Variants in NFKBIB observed in about 807,000 individuals in gnomAD.
NFKBIB encodes the protein NF-kappa-B inhibitor beta.
In NFKBIB, 16 loss-of-function variants were observed where a neutral mutation model predicts 32.1. The observed-to-expected ratio is 0.50, with a 90% CI of 0.34 to 0.76. The LOEUF (loss-of-function observed/expected upper bound fraction) is 0.76. Among genes scored for constraint, NFKBIB ranks in the 30% least tolerant of loss-of-function variants. NFKBIB has a pLI of 0.01. For synonymous variants in NFKBIB, 222 were observed against 219.5 expected, an observed-to-expected ratio of 1.01 and a Z score of -0.10; for missense variants, 437 against 514.9, an observed-to-expected ratio of 0.85 and a Z score of 1.46.
Position 38,905,216 on chromosome 19 carries a change from G to A in NFKBIB, c.300G>A (p.Leu100=). ...QNDLGQTALH[L]AAILGETSTV... Reference sequence around the variant, plus strand: ...TGCTTCTGCAGACAGCCCTGCACCTGGCAGCCATCCTGGGGGAGACATCCA... The same window carrying A: ...TGCTTCTGCAGACAGCCCTGCACCTAGCAGCCATCCTGGGGGAGACATCCA... The change falls in exon 3 of 6, where the codon CTG becomes CTA. Residue 100 remains leucine, a synonymous_variant. Transcript: ENST00000313582. This position sits in a 1 kb window ranked among gnomAD's most constrained non-coding sequence, Gnocchi z 5.5. The A allele has an allele frequency of 6.3e-7, 1 of 1,592,604 alleles. No homozygotes were observed. Among genetic ancestry groups the A allele is most frequent in the South Asian group, 1.1e-5 (1 of 87,808 alleles).
chr19:38,908,619 G>T, intron 5 of NFKBIB, 112 bp from the exon 6 acceptor site: 1 of 1,422,884 alleles, frequency 7.0e-7, no homozygotes, highest in Non-Finnish European at 9.2e-7. Flanking sequence ...CAGGAGCAGG[G>T]GAACTTGGGC....
At position 38,907,627 on chromosome 19, in the gene NFKBIB, A is replaced by C; in HGVS notation, c.937A>C (p.Ser313Arg). Reference protein sequence around the residue: ...GEDEKSGPCSSSSDSDSGDEG... With the variant: ...GEDEKSGPCSRSSDSDSGDEG... The stretch of plus-strand genomic sequence containing the variant: ...GGACGAGAAATCCGGCCCCTGCAGC[A>C]GCAGTAGCGACAGCGACAGCGGAGA... Residue 313 changes from serine to arginine, a missense_variant, in exon 5 of 6, where the codon AGC (serine) becomes CGC (arginine). Transcript: ENST00000313582. The C allele has an allele frequency of 6.2e-7, 1 of 1,610,314 alleles. No individual in the cohort carries two copies. The highest frequency in any genetic ancestry group is 8.5e-7 in the Non-Finnish European group (1 of 1,178,802).
intron 1 of NFKBIB, among the ~76,000 whole-genome samples, chr19:38,900,428 A>G (rs991101772): frequency 1.3e-5 from 2 of 152,142 alleles, no homozygotes; most frequent in Non-Finnish European, 2.9e-5. Context: ...CTTTTCTTGA[A>G]CTATGATTCT....
chr19:38,906,635 A>G (rs1466160301), intron 3 of NFKBIB, among the ~76,000 whole-genome samples: 1 of 150,002 alleles, frequency 6.7e-6, no homozygotes, highest in Non-Finnish European at 1.5e-5. Flanking sequence ...ATGCCCAGCT[A>G]ATTTTTTGTA....
chr19:38,902,947 C>T (rs984321870), intron 1 of NFKBIB, among the ~76,000 whole-genome samples: 3 of 152,030 alleles, frequency 2.0e-5, no homozygotes, highest in Admixed American at 6.6e-5. Context: ...TGGTGGCGAG[C>T]GCCTGTAATC....
intron 1 of NFKBIB, among the ~76,000 whole-genome samples, chr19:38,901,483 CT>C (rs972715030): frequency 8.6e-5 from 13 of 150,606 alleles, no homozygotes; most frequent in Non-Finnish European, 1.6e-4. Flanking sequence ...TTTTGTCCCC[CT>C]ATGTTCTCAA....
chr19:38,905,568 C>T lies in NFKBIB; in HGVS notation c.619+33C>T. Reference sequence around the variant, plus strand: ...TCGTCACCAGGGAAGGACTCAGCTCCTGGGCTAGGCGAGAGCACCTGGCCC... The same window carrying T: ...TCGTCACCAGGGAAGGACTCAGCTCTTGGGCTAGGCGAGAGCACCTGGCCC... On this transcript the variant is annotated intron_variant, in intron 3 of 5. Transcript: ENST00000313582. The surrounding 1 kb of genome is among the most constrained non-coding windows in gnomAD (Gnocchi z 5.5). 6.5e-7 allele frequency: 1 copy of T among 1,543,150 alleles called. No homozygotes were observed. The highest frequency in any genetic ancestry group is 8.8e-7 in the Non-Finnish European group (1 of 1,138,378).
At chr19:38,900,269 T>C (rs1195726892) in intron 1 of NFKBIB, 58 bp downstream of exon 1, 38 of 1,493,074 alleles carry the variant, frequency 2.5e-5, no homozygotes, top group Non-Finnish European at 3.2e-5. Flanking sequence ...CATTCCTCAT[T>C]AATCTCTGAT....
rs73539687 is a variant in NFKBIB at position 38,901,467 on chromosome 19, A to C, written c.179+1256A>C. 3.4e-3 allele frequency among the ~76,000 whole-genome samples: 510 copies of C among 148,824 alleles called. 5 individuals are homozygous for C. The highest frequency in any genetic ancestry group is 0.012 in the African/African-American group (488 of 40,240). ...ATGCCACCATGCCTGGCAAATTTTT[A>C]AATTTTTTTGTCCCCCTATGTTCTC... On this transcript the variant is annotated intron_variant, in intron 1 of 5. Transcript: ENST00000313582.
intron 3 of NFKBIB, among the ~76,000 whole-genome samples, chr19:38,906,720 C>G (rs1468873694): frequency 6.7e-6 from 1 of 149,372 alleles, no homozygotes; most frequent in Non-Finnish European, 1.5e-5. Context: ...CCACCCGCCT[C>G]AGCCTCCCAA....
intron 4 of NFKBIB, 31 bp downstream of exon 4, chr19:38,907,340 G>T (rs377604569): frequency 1.9e-6 from 3 of 1,605,282 alleles, no homozygotes; most frequent in African/African-American, 2.7e-5. Context: ...AGATGCCGTC[G>T]GCGGGAGGGG....
At chr19:38,907,949 G>T in intron 5 of NFKBIB, 1 of 1,250,678 alleles carries the variant, frequency 8.0e-7, no homozygotes, top group Non-Finnish European at 1.0e-6. Context: ...GTGGGTGGTA[G>T]CGCTGGGGGT....
At chr19:38,904,816 A>C (rs1974065082) in intron 1 of NFKBIB, among the ~76,000 whole-genome samples, 199 bp from the exon 2 acceptor site, 1 of 152,134 alleles carries the variant, frequency 6.6e-6, no homozygotes, top group Non-Finnish European at 1.5e-5. Flanking sequence ...TTTTGGGCAG[A>C]AGTGGAAATC....
At chr19:38,906,981 G>T (rs1013404602) in intron 3 of NFKBIB, among the ~76,000 whole-genome samples, 1 of 152,170 alleles carries the variant, frequency 6.6e-6, no homozygotes, top group African/African-American at 2.4e-5. Flanking sequence ...ACAGACCCCA[G>T]GCTGTTTACC....
At position 38,907,307 on chromosome 19, in the gene NFKBIB, C is replaced by G. The variant is rs759403398; in HGVS notation, c.706C>G (p.Pro236Ala). Residue 236 changes from proline to alanine, a missense_variant and splice_region_variant, in exon 4 of 6, where the codon CCG becomes GCG. Pro to Ala is a conservative substitution (Grantham distance 27). Coordinates refer to ENST00000313582, the MANE Select transcript of NFKBIB (RefSeq NM_002503.5). Reference sequence around the variant, plus strand: ...AGATGCTGGAGCTGACCTTGACAAACCGGTGAGCCCCAACCTCGGGGAAGA... The same window carrying G: ...AGATGCTGGAGCTGACCTTGACAAAGCGGTGAGCCCCAACCTCGGGGAAGA... ...LRDAGADLDK[P>A]EPTCGRSPLH... The G allele has an allele frequency of 6.2e-7, 1 of 1,612,622 alleles. No individual in the cohort carries two copies. Among genetic ancestry groups the G allele is most frequent in the Non-Finnish European group, 8.5e-7 (1 of 1,179,070 alleles).
chr19:38,907,446 G>A lies in NFKBIB; in HGVS notation c.756G>A (p.Gln252=), dbSNP rs1974171121. Residue 252 remains glutamine (Q), a synonymous_variant, in exon 5 of 6, where the codon CAG becomes CAA. Coordinates refer to ENST00000313582, the MANE Select transcript of NFKBIB (RefSeq NM_002503.5). ...CCCTTCATTTGGCAGTGGAGGCCCA[G>A]GCAGCCGATGTGCTGGAGCTTCTCC... ...RSPLHLAVEA[Q]AADVLELLLR... The A allele has an allele frequency of 1.2e-6, 2 of 1,605,012 alleles. No individual in the cohort carries two copies. The highest frequency in any genetic ancestry group is 1.7e-6 in the Non-Finnish European group (2 of 1,174,106).
intron 3 of NFKBIB, among the ~76,000 whole-genome samples, chr19:38,906,959 G>A (rs1480384968): frequency 6.6e-6 from 1 of 152,060 alleles, no homozygotes; most frequent in Non-Finnish European, 1.5e-5. Flanking sequence ...CCAAAATCCA[G>A]GCTCCCTGTC....
At position 38,908,773 on chromosome 19, in the gene NFKBIB, A is replaced by G; in HGVS notation, c.1012A>G (p.Thr338Ala). The stretch of plus-strand genomic sequence containing the variant: ...TGTGGTTCACAGCAGCCGCAGCCAA[A>G]CCCGGCTGCCTCCCACCCCAGCCTC... ...DIVVHSSRSQ[T>A]RLPPTPASKP... The change falls in exon 6 of 6, where the codon ACC becomes GCC. Residue 338 changes from threonine (T) to alanine (A), a missense_variant. By Grantham distance (58) the Thr-to-Ala change is moderately conservative. Transcript: ENST00000313582. 1 of 1,613,412 alleles carries G rather than the reference A, an allele frequency of 6.2e-7. No homozygotes were observed. Among genetic ancestry groups the G allele is most frequent in the Non-Finnish European group, 8.5e-7 (1 of 1,179,826 alleles).
At chr19:38,907,724 C>T in intron 5 of NFKBIB, 65 bp downstream of exon 5, 4 of 1,492,088 alleles carry the variant, frequency 2.7e-6, no homozygotes, top group Non-Finnish European at 3.6e-6. Flanking sequence ...AGGCAAGAAG[C>T]CCAAGAAGAT....
Sources: gnomAD v4.1 joint callset for allele counts (sites outside exome capture counted in the v4.1 genomes callset) on GRCh38, gnomAD v4.1.1 for gene constraint, Gnocchi (gnomAD v3.1) non-coding constraint, MANE v1.5 for transcripts, NCBI Gene and HGNC (gene_info 2026-07-23, HGNC 2026-07-21) for gene names.